ABCG8: variants seen among roughly 807,000 people sequenced by gnomAD.
The protein encoded by ABCG8 is ATP binding cassette subfamily G member 8, also known as ATP-binding cassette sub-family G member 8.
A neutral mutation model predicts 71.3 loss-of-function variants in ABCG8; 81 were observed. That is an observed-to-expected ratio of 1.14 (90% confidence interval 0.95 to 1.37). The LOEUF is 1.37. Among genes scored for constraint, ABCG8 ranks in the 40% most tolerant of loss-of-function variants. The pLI is 0.00. For missense variants in ABCG8, 1,119 were observed against 866.2 expected (o/e 1.29, Z -3.66); for synonymous variants, 451 against 354.7 (o/e 1.27, Z -3.05).
In ABCG8 at chr2:43,875,380, G is replaced by T. The variant is rs1353484625; in HGVS notation, c.1723G>T (p.Gly575Cys). 1.9e-6 allele frequency: 3 copies of T among 1,613,984 alleles called. No individual in the cohort carries two copies. The highest frequency in any genetic ancestry group is 2.5e-6 in the Non-Finnish European group (3 of 1,180,050). The change falls in exon 11 of 13, where the codon GGC becomes TGC. Residue 575 changes from glycine (G) to cysteine (C), a missense_variant. By Grantham distance (159) the Gly-to-Cys change is radical. Coordinates refer to ENST00000272286, the MANE Select transcript of ABCG8 (RefSeq NM_022437.3). ...ALYNSFYLAG[G>C]FMINLSSLWT... ...CTACAACTCCTTCTACCTCGCCGGG[G>T]GCTTCATGATAAACTTGAGCAGCCT...
At chr2:43,864,578 T>A (rs1451972939) in intron 6 of ABCG8, among the ~76,000 whole-genome samples, 1 of 151,836 alleles carries the variant, frequency 6.6e-6, no homozygotes, top group Non-Finnish European at 1.5e-5. Flanking sequence ...CTGGATAGAA[T>A]TCTCACCATC....
chr2:43,861,909 T>C (rs58955887), intron 6 of ABCG8, among the ~76,000 whole-genome samples: 7,348 of 151,352 alleles, frequency 0.049, 219 homozygotes, highest in Middle Eastern at 0.096. Context: ...GATAGAATTA[T>C]CACTCTCTGG....
intron 1 of ABCG8, among the ~76,000 whole-genome samples, chr2:43,839,493 C>T (rs1469385943): frequency 1.6e-5 from 2 of 127,836 alleles, no homozygotes; most frequent in Admixed American, 1.0e-4. Context: ...GTGGCGTGAT[C>T]TCGGCTCACT....
chr2:43,879,855 G>C lies in ABCG8; in HGVS notation c.*1942G>C, dbSNP rs1054850775. ...CGTTCACTTTGATCACTTGATTAAA[G>C]GGGTGTCTGCTAGGCTTCTCCACAG... On this transcript the variant is annotated 3_prime_UTR_variant, in exon 13 of 13. Transcript: ENST00000272286. 2.6e-5 allele frequency: 4 copies of C among 152,186 alleles called. No individual in the cohort carries two copies. The highest frequency in any genetic ancestry group is 9.7e-5 in the African/African-American group (4 of 41,448). The allele number at this position is 152,186 out of a possible 1,614,324, so 9.4% of individuals were successfully genotyped here. A position where few individuals can be genotyped will look rare whatever the true frequency, so the allele number is the denominator to read the frequency against.
Position 43,870,057 on chromosome 2 carries a change from A to G in ABCG8, c.965-1919A>G, listed in dbSNP as rs543412736. On this transcript the variant is annotated intron_variant, in intron 6 of 12. Transcript: ENST00000272286. ...TATCTGGATAGAATTCTTACTCTTG[A>G]TAGAACTCTATTTGTCTGCATAGAC... Among the ~76,000 whole-genome samples the G allele has an allele frequency of 6.6e-5, 10 of 151,902 alleles. No homozygotes were observed. The East Asian group carries it at 1.8e-3, about 27-fold the overall frequency.
intron 3 of ABCG8, chr2:43,846,616 T>C (rs1049087114): frequency 2.2e-5 from 9 of 400,668 alleles, no homozygotes; most frequent in South Asian, 1.7e-4. Context: ...AGCTCCAGCA[T>C]GTAATGTTCT....
chr2:43,851,900 T>C (rs760413490), intron 4 of ABCG8, 78 bp downstream of exon 4: 2 of 1,505,106 alleles, frequency 1.3e-6, no homozygotes. Context: ...CCTGCTGCCT[T>C]GCCTCAGGAC....
Position 43,879,548 on chromosome 2 carries a change from G to A in ABCG8, c.*1635G>A, listed in dbSNP as rs1265665228. 4 of 152,200 alleles carry A rather than the reference G, an allele frequency of 2.6e-5. No individual in the cohort carries two copies. The South Asian group carries it at 8.3e-4, about 32-fold the overall frequency. The allele number at this position is 152,200 out of a possible 1,614,324, so 9.4% of individuals were successfully genotyped here. On this transcript the variant is annotated 3_prime_UTR_variant, in exon 13 of 13. Transcript: ENST00000272286. ...CCAAAGCACTTGCAACACTCAGGAT[G>A]CTTGCACGGTCATGTTGCCACCATC...
Position 43,872,025 on chromosome 2 carries a change from C to T in ABCG8, c.1014C>T (p.Thr338=). 6.2e-7 allele frequency: 1 copy of T among 1,614,074 alleles called. No individual in the cohort carries two copies. The highest frequency in any genetic ancestry group is 1.3e-5 in the African/African-American group (1 of 75,048). The change falls in exon 7 of 13, where the codon ACC becomes ACT. Residue 338 remains threonine, a synonymous_variant. Coordinates refer to ENST00000272286, the MANE Select transcript of ABCG8 (RefSeq NM_022437.3). ...DRRSREQELA[T]REKAQSLAAL... ...GCAGCAGAGAGCAGGAATTGGCCAC[C>T]AGGGAGAAGGCTCAGTCACTCGCAG...
Position 43,878,985 on chromosome 2 carries a change from G to A in ABCG8, c.*1072G>A, listed in dbSNP as rs1279364671. Reference sequence around the variant, plus strand: ...CTCTCCCGCTACCCTGTGAAGAGGAGCCTTCCACCACGACTGCAAGTTTCC... The same window carrying A: ...CTCTCCCGCTACCCTGTGAAGAGGAACCTTCCACCACGACTGCAAGTTTCC... On this transcript the variant is annotated 3_prime_UTR_variant, in exon 13 of 13. Coordinates refer to ENST00000272286, the MANE Select transcript of ABCG8 (RefSeq NM_022437.3). 1 of 152,288 alleles carries A rather than the reference G, an allele frequency of 6.6e-6. No individual in the cohort carries two copies. Among genetic ancestry groups the A allele is most frequent in the East Asian group, 1.9e-4 (1 of 5,198 alleles). The allele number at this position is 152,288 out of a possible 1,614,324, so 9.4% of individuals were successfully genotyped here. A position where few individuals can be genotyped will look rare whatever the true frequency, so the allele number is the denominator to read the frequency against.
At chr2:43,843,856 A>G (rs1160598962) in intron 1 of ABCG8, among the ~76,000 whole-genome samples, 1 of 152,188 alleles carries the variant, frequency 6.6e-6, no homozygotes, top group Admixed American at 6.5e-5. Flanking sequence ...CAACATGATG[A>G]TGATGATGAG....
intron 6 of ABCG8, among the ~76,000 whole-genome samples, chr2:43,860,621 C>T (rs2104930579): frequency 6.6e-6 from 1 of 151,338 alleles, no homozygotes; most frequent in African/African-American, 2.4e-5. Flanking sequence ...ATAAAACTCT[C>T]ACTACCTATC....
intron 2 of ABCG8, 40 bp downstream of exon 2, chr2:43,844,648 G>A: frequency 3.3e-6 from 5 of 1,508,596 alleles, no homozygotes; most frequent in Non-Finnish European, 4.6e-6. Context: ...GGAGCAGGCA[G>A]GGACAGCCAG....
rs1385024307 is a variant in ABCG8 at position 43,881,196 on chromosome 2, G to A, written c.*3283G>A. On this transcript the variant is annotated 3_prime_UTR_variant, in exon 13 of 13. Transcript: ENST00000272286. ...GTAACTCAGTGGCTCTGTATGCCGT[G>A]CTGAAGGGGAAAAGGGCAAAGTGCA... 1.3e-5 allele frequency: 2 copies of A among 152,280 alleles called. No individual in the cohort carries two copies. The highest frequency in any genetic ancestry group is 3.9e-4 in the East Asian group (2 of 5,192). The allele number at this position is 152,280 out of a possible 1,614,324, so 9.4% of individuals were successfully genotyped here. A position where few individuals can be genotyped will look rare whatever the true frequency, so the allele number is the denominator to read the frequency against.
chr2:43,863,788 CTG>C (rs2104934769), intron 6 of ABCG8, among the ~76,000 whole-genome samples: 1 of 151,000 alleles, frequency 6.6e-6, no homozygotes, highest in Admixed American at 6.6e-5. Flanking sequence ...AATTCTCACT[CTG>C]TGGATAGGAC....
rs568398764 is a variant in ABCG8 at position 43,876,742 on chromosome 2, G to T, written c.1757-819G>T. Among the ~76,000 whole-genome samples the T allele has an allele frequency of 4.6e-5, 7 of 150,676 alleles. No individual in the cohort carries two copies. In the East Asian group the frequency reaches 1.2e-3, roughly 26 times the overall value. On this transcript the variant is annotated intron_variant, in intron 11 of 12. Transcript: ENST00000272286. ...GAATATGGGGAGACTGTGGGAATATGGGAGAGAGAGTGTCAATATAAAGGA... is the reference window on the plus strand; with the variant it reads ...GAATATGGGGAGACTGTGGGAATATTGGAGAGAGAGTGTCAATATAAAGGA...
intron 1 of ABCG8, among the ~76,000 whole-genome samples, chr2:43,839,497 G>A (rs973669695): frequency 7.9e-6 from 1 of 127,156 alleles, no homozygotes; most frequent in Admixed American, 1.0e-4. Context: ...CGTGATCTCG[G>A]CTCACTGCAA....
At chr2:43,853,205 G>A (rs1572836845) in intron 6 of ABCG8, among the ~76,000 whole-genome samples, 1 of 152,316 alleles carries the variant, frequency 6.6e-6, no homozygotes, top group East Asian at 1.9e-4. Context: ...CAACCTTTAA[G>A]GTCAAGAAGT....
In ABCG8 at chr2:43,880,185, T is replaced by TC. The variant is rs1476940598; in HGVS notation, c.*2272_*2273insC. ...AGGCTCATTTTTTGTTTTGTTTTTT[T>TC]TTTTTTGAGACAGAATCTCATTCTG... On this transcript the variant is annotated 3_prime_UTR_variant, in exon 13 of 13. Transcript: ENST00000272286. The TC allele has an allele frequency of 6.7e-6, 1 of 149,196 alleles. No homozygotes were observed. The highest frequency in any genetic ancestry group is 1.5e-5 in the Non-Finnish European group (1 of 67,320). 9.2% of individuals were successfully genotyped at this position (149,196 alleles called of 1,614,324 possible). A position where few individuals can be genotyped will look rare whatever the true frequency, so the allele number is the denominator to read the frequency against.
Sources: allele counts gnomAD v4.1 joint callset (sites outside exome capture counted in the v4.1 genomes callset), GRCh38; gene constraint gnomAD v4.1.1; transcripts MANE v1.5; gene names NCBI Gene and HGNC (gene_info 2026-07-23, HGNC 2026-07-21).